RAPGEF2: variants seen among roughly 807,000 people sequenced by gnomAD.
The protein encoded by RAPGEF2 is PDZ domain containing guanine nucleotide exchange factor (GEF) 1.
RAPGEF2 carries 54 observed loss-of-function variants against 186.7 expected under a neutral mutation model. The ratio of observed to expected loss-of-function variants is 0.29; its 90% CI spans 0.23 to 0.36. The LOEUF (loss-of-function observed/expected upper bound fraction) is 0.36, where lower values mean the gene tolerates loss of function less well. RAPGEF2 is among the 10% of genes least tolerant of loss of function. The pLI is 1.00. For synonymous variants in RAPGEF2, 712 were observed against 705.9 expected (o/e 1.01, Z -0.14); for missense variants, 1,532 against 2,045.0 (o/e 0.75, Z 4.84).
At chr4:159,255,780 G>A (rs1756089012) in intron 7 of RAPGEF2, among the ~76,000 whole-genome samples, 1 of 151,994 alleles carries the variant, frequency 6.6e-6, no homozygotes, top group African/African-American at 2.4e-5. Context: ...TAGTTGATTG[G>A]ATTATTAATA....
intron 2 of RAPGEF2, among the ~76,000 whole-genome samples, chr4:159,192,392 G>T (rs1289744514): frequency 6.6e-6 from 1 of 152,216 alleles, no homozygotes; most frequent in Non-Finnish European, 1.5e-5. Flanking sequence ...GTGTTTCACA[G>T]GTTGGAGAAT....
At chr4:159,301,449 G>A (rs574698644) in intron 7 of RAPGEF2, among the ~76,000 whole-genome samples, 1 of 152,038 alleles carries the variant, frequency 6.6e-6, no homozygotes, top group South Asian at 2.1e-4. Flanking sequence ...TTTGAACATG[G>A]CATCTATTCT....
chr4:159,189,233 A>G (rs900329805), intron 2 of RAPGEF2, among the ~76,000 whole-genome samples: 1 of 152,192 alleles, frequency 6.6e-6, no homozygotes, highest in Non-Finnish European at 1.5e-5. Context: ...GAGCAGCAAC[A>G]TTCGTGTTCT....
chr4:159,330,101 C>T, intron 12 of RAPGEF2, 91 bp downstream of exon 12: 1 of 1,345,726 alleles, frequency 7.4e-7, no homozygotes, highest in Non-Finnish European at 1.0e-6. Context: ...ATTTTTAGGC[C>T]TATCTCTTAA....
Position 159,186,698 on chromosome 4 carries a change from G to A in RAPGEF2, c.126G>A (p.Arg42=), listed in dbSNP as rs184626694. 2.0e-4 allele frequency: 287 copies of A among 1,466,518 alleles called. No homozygotes were observed. The African/African-American group carries it at 3.4e-3, about 18-fold the overall frequency. 90.8% of individuals were successfully genotyped at this position (1,466,518 alleles called of 1,614,324 possible). Reference sequence around the variant, plus strand: ...GTATGGAAGCCTTATCAAACTTGAGGGAGCATCAACTTAGGTATGTCATTT... The same window carrying A: ...GTATGGAAGCCTTATCAAACTTGAGAGAGCATCAACTTAGGTATGTCATTT... The part of the protein sequence containing the change: ...LHGMEALSNL[R]EHQLRLMCET... Residue 42 remains arginine (R), a synonymous_variant, in exon 2 of 30, where the codon AGG becomes AGA. Transcript: ENST00000691494.
At chr4:159,275,973 A>G (rs1220896443) in intron 7 of RAPGEF2, among the ~76,000 whole-genome samples, 6 of 152,176 alleles carry the variant, frequency 3.9e-5, no homozygotes, top group Non-Finnish European at 8.8e-5. Flanking sequence ...AAATGGGAGT[A>G]TTCTGCCATA....
At chr4:159,147,222 AAC>A (rs1425817071) in intron 1 of RAPGEF2, among the ~76,000 whole-genome samples, 2 of 152,364 alleles carry the variant, frequency 1.3e-5, no homozygotes, top group East Asian at 1.9e-4. Flanking sequence ...ATCTTTAAAA[AAC>A]ACAAAGAATT....
intron 1 of RAPGEF2, among the ~76,000 whole-genome samples, chr4:159,130,641 G>A (rs888879088): frequency 6.6e-6 from 1 of 152,128 alleles, no homozygotes; most frequent in African/African-American, 2.4e-5. Context: ...AGGACTGGAA[G>A]GGCTTCTTTT....
chr4:159,148,491 A>G (rs765174009), intron 1 of RAPGEF2, among the ~76,000 whole-genome samples: 2 of 152,214 alleles, frequency 1.3e-5, no homozygotes, highest in South Asian at 4.1e-4. Flanking sequence ...GTTGAATATA[A>G]TGTTTCCAAT....
chr4:159,132,605 T>A lies in RAPGEF2; in HGVS notation c.69+28374T>A, dbSNP rs185306871. Among the ~76,000 whole-genome samples, 49 of 152,308 alleles carry A rather than the reference T, an allele frequency of 3.2e-4. 1 individual carries two copies. The highest frequency in any genetic ancestry group is 6.5e-4 in the Admixed American group (10 of 15,294). ...GCTTTTTAAAATCTGACTTTTCTCA[T>A]TTATGCCTCCTTTTTCTAAATTATA... On this transcript the variant is annotated intron_variant, in intron 1 of 29. Transcript: ENST00000691494.
chr4:159,220,023 G>A (rs927781177), intron 4 of RAPGEF2, among the ~76,000 whole-genome samples: 1 of 152,192 alleles, frequency 6.6e-6, no homozygotes, highest in African/African-American at 2.4e-5. Flanking sequence ...TAGTGCTGCA[G>A]GGACATTCAG....
At chr4:159,321,204 CTT>C (rs33926132) in intron 9 of RAPGEF2, among the ~76,000 whole-genome samples, 29,031 of 140,058 alleles carry the variant, frequency 0.21, 3,055 homozygotes, top group Admixed American at 0.26. Context: ...GTCACTGCCA[CTT>C]TTTTTTTTTT....
chr4:159,135,094 A>T (rs542955237), intron 1 of RAPGEF2, among the ~76,000 whole-genome samples: 1 of 152,076 alleles, frequency 6.6e-6, no homozygotes, highest in African/African-American at 2.4e-5. Flanking sequence ...CCCAGGCTGG[A>T]GTGCAGTGGT....
At chr4:159,180,284 T>C (rs544133874) in intron 1 of RAPGEF2, among the ~76,000 whole-genome samples, 2 of 152,338 alleles carry the variant, frequency 1.3e-5, no homozygotes, top group South Asian at 4.1e-4. Flanking sequence ...AAACTTTCTT[T>C]CATTTTTCGG....
chr4:159,158,771 A>T (rs1466198868), intron 1 of RAPGEF2, among the ~76,000 whole-genome samples: 1 of 152,188 alleles, frequency 6.6e-6, no homozygotes, highest in African/African-American at 2.4e-5. Context: ...AGAAGGGTGA[A>T]ATTTTACTAG....
chr4:159,131,427 C>T (rs936190971), intron 1 of RAPGEF2, among the ~76,000 whole-genome samples: 79 of 149,516 alleles, frequency 5.3e-4, no homozygotes, highest in Admixed American at 5.2e-3. Flanking sequence ...GTTTTAATAA[C>T]GTTTAAGATT....
At chr4:159,128,944 G>GTATATATA (rs376771195) in intron 1 of RAPGEF2, 22 of 132,950 alleles carry the variant, frequency 1.7e-4, no homozygotes, top group African/African-American at 6.0e-4. Flanking sequence ...GTGTGTGTGT[G>GTATATATA]TATATATATA....
intron 9 of RAPGEF2, among the ~76,000 whole-genome samples, chr4:159,316,657 T>C (rs528696326): frequency 6.6e-6 from 1 of 152,368 alleles, no homozygotes; most frequent in Admixed American, 6.5e-5. Context: ...CTTGTTCTTT[T>C]TATGGCTGTA....
At chr4:159,111,566 C>T (rs777037393) in intron 1 of RAPGEF2, among the ~76,000 whole-genome samples, 7 of 152,154 alleles carry the variant, frequency 4.6e-5, no homozygotes, top group Non-Finnish European at 5.9e-5. Flanking sequence ...GAACACTGAA[C>T]GAGAATTAAT....
Sources: allele counts gnomAD v4.1 joint callset (sites outside exome capture counted in the v4.1 genomes callset), GRCh38; gene constraint gnomAD v4.1.1; transcripts MANE v1.5; gene names NCBI Gene and HGNC (gene_info 2026-07-23, HGNC 2026-07-21).